AOPEP: variants seen among roughly 807,000 people sequenced by gnomAD.
AOPEP encodes aminopeptidase O.
AOPEP carries 77 observed loss-of-function variants against 98.1 expected under a neutral mutation model. The ratio of observed to expected loss-of-function variants is 0.78; its 90% CI spans 0.65 to 0.95. The LOEUF is 0.95. Among genes scored for constraint, AOPEP ranks in the 40% least tolerant of loss-of-function variants. AOPEP has a pLI of 0.00. For synonymous variants in AOPEP, 346 were observed against 365.3 expected (o/e 0.95, Z 0.60); for missense variants, 1,024 against 1,024.7 (o/e 1.00, Z 0.01).
intron 1 of AOPEP, among the ~76,000 whole-genome samples, chr9:94,743,491 G>C (rs1833736000): frequency 6.6e-6 from 1 of 152,202 alleles, no homozygotes; most frequent in Non-Finnish European, 1.5e-5. Context: ...AAATAGAAAA[G>C]GTTATAACCT....
chr9:95,027,789 G>A (rs764148526), intron 13 of AOPEP, among the ~76,000 whole-genome samples: 2 of 152,160 alleles, frequency 1.3e-5, no homozygotes, highest in African/African-American at 2.4e-5. Context: ...GGGTTACTAC[G>A]TTTTCAAGTC....
At chr9:94,904,681 C>T (rs2050889856) in intron 5 of AOPEP, 1 of 152,118 alleles carries the variant, frequency 6.6e-6, no homozygotes, top group East Asian at 1.9e-4. Context: ...GTTTCTTATC[C>T]ATCTGAAAGC....
At chr9:95,107,142 A>G in the AOPEP span, 2 of 1,614,204 alleles carry the variant, frequency 1.2e-6, no homozygotes, top group South Asian at 2.2e-5. Flanking sequence ...GTGCCTGATC[A>G]GCTGTTGTGC....
chr9:95,006,872 A>G (rs2062063656), intron 13 of AOPEP, among the ~76,000 whole-genome samples: 1 of 149,678 alleles, frequency 6.7e-6, no homozygotes, highest in African/African-American at 2.5e-5. Context: ...CTTGCTTGGT[A>G]TTTTTTAAAA....
intron 9 of AOPEP, among the ~76,000 whole-genome samples, chr9:94,960,812 A>G (rs924990886): frequency 6.6e-6 from 1 of 152,096 alleles, no homozygotes; most frequent in Non-Finnish European, 1.5e-5. Flanking sequence ...GGAGATCGAG[A>G]CCATCTTGGC....
intron 11 of AOPEP, among the ~76,000 whole-genome samples, chr9:94,983,123 G>A (rs2060297725): frequency 6.6e-6 from 1 of 152,122 alleles, no homozygotes; most frequent in Non-Finnish European, 1.5e-5. Flanking sequence ...CACCTCCCAG[G>A]TTCAAGTGAT....
chr9:95,021,901 A>G (rs1016269332), intron 13 of AOPEP: 2 of 152,238 alleles, frequency 1.3e-5, no homozygotes, highest in Non-Finnish European at 2.9e-5. Context: ...TCCAGAAGAG[A>G]AGGCGAAGAA....
At chr9:95,086,126 G>C in intron 16 of AOPEP, 1 of 1,362,888 alleles carries the variant, frequency 7.3e-7, no homozygotes, top group South Asian at 1.1e-5. Context: ...GTCTGTAAGT[G>C]CCCGAGGCTC....
At chr9:94,752,806 T>A (rs1836134571) in intron 1 of AOPEP, among the ~76,000 whole-genome samples, 1 of 152,204 alleles carries the variant, frequency 6.6e-6, no homozygotes, top group African/African-American at 2.4e-5. Flanking sequence ...TGGATTGGCC[T>A]TATGAGTTTG....
chr9:95,111,325 G>A, the AOPEP span: 4 of 1,596,762 alleles, frequency 2.5e-6, no homozygotes, highest in Non-Finnish European at 3.4e-6. Flanking sequence ...CATGCCTGCA[G>A]GTTGCCATGA....
chr9:95,034,792 C>G (rs542387627), intron 13 of AOPEP, among the ~76,000 whole-genome samples: 1 of 152,252 alleles, frequency 6.6e-6, no homozygotes, highest in Non-Finnish European at 1.5e-5. Flanking sequence ...TCCTGGTTTG[C>G]TGATACAGAT....
intron 5 of AOPEP, among the ~76,000 whole-genome samples, chr9:94,835,011 C>A (rs2041408269): frequency 6.6e-6 from 1 of 152,032 alleles, no homozygotes; most frequent in African/African-American, 2.4e-5. Context: ...TTATGGGTAC[C>A]TGAGAAAGGA....
intron 5 of AOPEP, among the ~76,000 whole-genome samples, chr9:94,851,594 A>C (rs1287774811): frequency 1.3e-5 from 2 of 151,584 alleles, no homozygotes; most frequent in African/African-American, 4.9e-5. Flanking sequence ...TCTCCTCAGA[A>C]GATGTTTAAT....
At chr9:95,089,853 C>T (rs897772894), downstream of AOPEP, among the ~76,000 whole-genome samples, 1 of 152,240 alleles carries the variant, frequency 6.6e-6, no homozygotes, top group Non-Finnish European at 1.5e-5. Context: ...TCCCCCCACC[C>T]TGCAACAGGC....
intron 13 of AOPEP, among the ~76,000 whole-genome samples, chr9:95,026,211 T>TA (rs2063825788): frequency 6.6e-6 from 1 of 152,230 alleles, no homozygotes; most frequent in Non-Finnish European, 1.5e-5. Context: ...TTAACAACTT[T>TA]AAGGCGTAAT....
At chr9:94,920,649 G>T (rs1397356773) in intron 5 of AOPEP, among the ~76,000 whole-genome samples, 3 of 152,210 alleles carry the variant, frequency 2.0e-5, no homozygotes, top group Non-Finnish European at 2.9e-5. Flanking sequence ...TCCTCCCGAA[G>T]GATGGGAGCA....
At position 94,880,779 on chromosome 9, in the gene AOPEP, C is replaced by T. The variant is rs536960895; in HGVS notation, c.1365-43207C>T. ...CTTGGGTGGGAGCAAAAAGCTCTGC[C>T]AGCTGAGCGGACTTAAATTGAGGAA... On this transcript the variant is annotated intron_variant, in intron 5 of 16. Coordinates refer to ENST00000375315, the MANE Select transcript of AOPEP (RefSeq NM_001193329.3). Among the ~76,000 whole-genome samples, 5 of 152,338 alleles carry T rather than the reference C, an allele frequency of 3.3e-5. No homozygotes were observed. In the South Asian group the frequency reaches 1.0e-3, roughly 32 times the overall value.
chr9:94,762,183 C>T (rs939606995), intron 2 of AOPEP, among the ~76,000 whole-genome samples: 3 of 152,164 alleles, frequency 2.0e-5, no homozygotes, highest in Admixed American at 6.5e-5. Context: ...CGCGGTGGCT[C>T]ACGCCTGTAA....
intron 10 of AOPEP, among the ~76,000 whole-genome samples, chr9:94,971,962 C>T (rs2059563435): frequency 6.6e-6 from 1 of 152,108 alleles, no homozygotes; most frequent in Non-Finnish European, 1.5e-5. Flanking sequence ...GCAGTGCCGT[C>T]AACAGATTGG....
Sources: allele counts gnomAD v4.1 joint callset (sites outside exome capture counted in the v4.1 genomes callset), GRCh38; gene constraint gnomAD v4.1.1; transcripts MANE v1.5; gene names NCBI Gene and HGNC (gene_info 2026-07-23, HGNC 2026-07-21).